The following AKAP12 variants were observed in gnomAD, a reference collection of about 807,000 sequenced individuals.
The protein encoded by AKAP12 is A-kinase anchoring protein 12.
A neutral mutation model predicts 79.9 loss-of-function variants in AKAP12; 32 were observed. The observed-to-expected ratio is 0.40, with a 90% CI of 0.30 to 0.54. The LOEUF (loss-of-function observed/expected upper bound fraction) is 0.54. Ranked by LOEUF, AKAP12 falls within the 20% of genes least tolerant of loss-of-function variation. The probability of loss-of-function intolerance (pLI) is 0.48; values close to 1 mark genes in which losing one functional copy is unlikely to be tolerated. For synonymous variants in AKAP12, 808 were observed against 857.0 expected, an observed-to-expected ratio of 0.94 and a Z score of 1.00; for missense variants, 2,074 against 2,177.0, an observed-to-expected ratio of 0.95 and a Z score of 0.94.
intron 2 of AKAP12, among the ~76,000 whole-genome samples, chr6:151,293,854 G>T (rs1318334824): frequency 6.6e-6 from 1 of 152,172 alleles, no homozygotes. Context: ...CATGCCTAAG[G>T]TCTGTGTTAG....
At chr6:151,317,279 G>A (rs1242608635) in intron 3 of AKAP12, among the ~76,000 whole-genome samples, 1 of 152,146 alleles carries the variant, frequency 6.6e-6, no homozygotes, top group Non-Finnish European at 1.5e-5. Context: ...GCTAAAATAT[G>A]CCTCCCTCCA....
intron 3 of AKAP12, among the ~76,000 whole-genome samples, chr6:151,342,139 T>G (rs1468991025): frequency 2.0e-5 from 3 of 152,136 alleles, no homozygotes; most frequent in African/African-American, 7.2e-5. Context: ...CCTCAAAAAG[T>G]CACCAGGATT....
intron 2 of AKAP12, among the ~76,000 whole-genome samples, chr6:151,272,824 A>G (rs895418053): frequency 6.6e-6 from 1 of 151,978 alleles, no homozygotes; most frequent in East Asian, 1.9e-4. Flanking sequence ...AAGGCACCGC[A>G]CCCAACCCAT....
At chr6:151,297,423 A>G (rs772191906) in intron 2 of AKAP12, among the ~76,000 whole-genome samples, 74 of 151,970 alleles carry the variant, frequency 4.9e-4, no homozygotes, top group Non-Finnish European at 8.7e-4. Context: ...AAATACAAAA[A>G]TTAGCCGGGT....
intron 3 of AKAP12, among the ~76,000 whole-genome samples, chr6:151,315,007 A>G (rs1777203512): frequency 6.7e-6 from 1 of 150,300 alleles, no homozygotes; most frequent in Non-Finnish European, 1.5e-5. Flanking sequence ...AGCCGAGATC[A>G]CACCATTGCA....
At chr6:151,256,912 G>A (rs1018783033) in intron 2 of AKAP12, among the ~76,000 whole-genome samples, 4 of 146,754 alleles carry the variant, frequency 2.7e-5, no homozygotes, top group Non-Finnish European at 4.5e-5. Flanking sequence ...GCCTCCCAAC[G>A]TGTTGGGATT....
chr6:151,343,187 AAG>A (rs1442095148), intron 3 of AKAP12, among the ~76,000 whole-genome samples: 1 of 152,152 alleles, frequency 6.6e-6, no homozygotes, highest in Non-Finnish European at 1.5e-5. Flanking sequence ...ACACAGATTT[AAG>A]AGTGGAGGGA....
intron 2 of AKAP12, among the ~76,000 whole-genome samples, chr6:151,272,468 C>G (rs1300625332): frequency 6.6e-6 from 1 of 151,420 alleles, no homozygotes; most frequent in African/African-American, 2.4e-5. Flanking sequence ...TTCGTACTCC[C>G]TTTGCCTTCC....
intron 3 of AKAP12, chr6:151,323,860 C>T (rs1334816688): frequency 1.0e-6 from 1 of 985,212 alleles, no homozygotes; most frequent in Non-Finnish European, 1.2e-6. Flanking sequence ...TTGTGTTGTC[C>T]CCAACCACTG....
chr6:151,340,721 G>T (rs1310595330), intron 3 of AKAP12, among the ~76,000 whole-genome samples: 1 of 151,788 alleles, frequency 6.6e-6, no homozygotes, highest in Non-Finnish European at 1.5e-5. Context: ...CCACGAGCAG[G>T]TTCCACCATG....
chr6:151,325,752 T>C, intron 3 of AKAP12: 1 of 1,591,716 alleles, frequency 6.3e-7, no homozygotes, highest in South Asian at 1.1e-5. Flanking sequence ...CTCAGTCCGC[T>C]CTGATCCCGC....
chr6:151,260,111 T>A (rs1360281330), intron 2 of AKAP12, among the ~76,000 whole-genome samples: 1 of 152,182 alleles, frequency 6.6e-6, no homozygotes, highest in Non-Finnish European at 1.5e-5. Flanking sequence ...TACAGTCTCT[T>A]TTCTTACTGT....
At chr6:151,260,477 A>T (rs1797404912) in intron 2 of AKAP12, among the ~76,000 whole-genome samples, 1 of 152,140 alleles carries the variant, frequency 6.6e-6, no homozygotes, top group Non-Finnish European at 1.5e-5. Flanking sequence ...AGCTCCTAAG[A>T]TCCCTGTGCA....
chr6:151,297,823 C>T (rs949105027), intron 2 of AKAP12, among the ~76,000 whole-genome samples: 18 of 152,084 alleles, frequency 1.2e-4, no homozygotes, highest in African/African-American at 4.3e-4. Flanking sequence ...CCCTCCTTAA[C>T]AGAAACATGA....
chr6:151,261,737 A>T (rs546159159), intron 2 of AKAP12, among the ~76,000 whole-genome samples: 8 of 25,032 alleles, frequency 3.2e-4, no homozygotes, highest in East Asian at 1.3e-3. Flanking sequence ...TTATTATTTT[A>T]TTTATTTATT....
rs1778360336 is a variant in AKAP12 at position 151,353,576 on chromosome 6, G to C, written c.5185G>C (p.Asp1729His). 1.2e-6 allele frequency: 2 copies of C among 1,614,166 alleles called. No homozygotes were observed. The highest frequency in any genetic ancestry group is 4.5e-5 in the East Asian group (2 of 44,878). ...AGGAGGCTTAACCAAAGAGTCCCCA[G>C]ATACAAATGGACCAAAACAAAAAGA... Reference protein sequence around the residue: ...ASGGLTKESPDTNGPKQKEKE... With the variant: ...ASGGLTKESPHTNGPKQKEKE... The change falls in exon 4 of 5, where the codon GAT becomes CAT. Residue 1729 changes from aspartate (D) to histidine (H), a missense_variant. Around this residue, in one of 3 missense-constraint regions of AKAP12, gnomAD observed 614 missense variants for 665.6 expected, o/e 0.92. Coordinates refer to ENST00000402676, the MANE Select transcript of AKAP12 (RefSeq NM_005100.4).
chr6:151,310,058 CTT>C (rs1319658903), intron 3 of AKAP12, among the ~76,000 whole-genome samples: 1 of 151,894 alleles, frequency 6.6e-6, no homozygotes, highest in African/African-American at 2.4e-5. Context: ...ACGGTCTTCT[CTT>C]TGTTAAAAAC....
intron 2 of AKAP12, among the ~76,000 whole-genome samples, chr6:151,296,827 G>A (rs994467350): frequency 2.0e-5 from 3 of 152,096 alleles, no homozygotes; most frequent in South Asian, 4.2e-4. Flanking sequence ...GGGAAGGAAT[G>A]GAGAGACTAA....
chr6:151,318,058 C>G (rs992786227), intron 3 of AKAP12, among the ~76,000 whole-genome samples: 1 of 152,172 alleles, frequency 6.6e-6, no homozygotes, highest in South Asian at 2.1e-4. Flanking sequence ...ACGTACATGT[C>G]GAAATCCTAA....
Sources: allele counts gnomAD v4.1 joint callset (sites outside exome capture counted in the v4.1 genomes callset), GRCh38; gene constraint gnomAD v4.1.1; regional missense constraint gnomAD v4.1.1; transcripts MANE v1.5; gene names NCBI Gene and HGNC (gene_info 2026-07-23, HGNC 2026-07-21).